The following FLT1 variants were observed in gnomAD, a reference collection of about 807,000 sequenced individuals.
FLT1 encodes fms related receptor tyrosine kinase 1.
Under a neutral mutation model 156.3 loss-of-function variants are expected in FLT1, and 49 were observed. That is an observed-to-expected ratio of 0.31 (90% CI 0.25 to 0.40). The LOEUF (loss-of-function observed/expected upper bound fraction) is 0.40. Among genes scored for constraint, FLT1 ranks in the 10% least tolerant of loss-of-function variants. The pLI is 1.00. For missense variants in FLT1, 1,322 were observed against 1,637.2 expected (o/e 0.81, Z 3.32); for synonymous variants, 594 against 583.8 (o/e 1.02, Z -0.25).
At chr13:28,316,905 G>A (rs1411926499) in intron 25 of FLT1, among the ~76,000 whole-genome samples, 1 of 152,142 alleles carries the variant, frequency 6.6e-6, no homozygotes, top group Non-Finnish European at 1.5e-5. Context: ...TTACACATGT[G>A]AGCCACTGCG....
chr13:28,390,983 A>C (rs2137461464), intron 12 of FLT1, among the ~76,000 whole-genome samples: 1 of 152,290 alleles, frequency 6.6e-6, no homozygotes, highest in South Asian at 2.1e-4. Context: ...AGCAAAGACC[A>C]CAGTGGGCCA....
At chr13:28,310,854 T>C (rs1870974472) in intron 27 of FLT1, among the ~76,000 whole-genome samples, 1 of 152,028 alleles carries the variant, frequency 6.6e-6, no homozygotes, top group Non-Finnish European at 1.5e-5. Flanking sequence ...CTTAAGAAAA[T>C]GTAATCTGTT....
intron 4 of FLT1, 93 bp from the exon 5 acceptor site, chr13:28,434,313 C>A: frequency 8.2e-7 from 1 of 1,217,314 alleles, no homozygotes. Flanking sequence ...GATTTTTCAT[C>A]TAAAATGAAA....
At chr13:28,438,425 T>A (rs2137561416) in intron 3 of FLT1, 80 bp from the exon 4 acceptor site, 2 of 1,062,708 alleles carry the variant, frequency 1.9e-6, no homozygotes, top group Non-Finnish European at 2.9e-6. Context: ...TAGTGTGGTA[T>A]GGTAGGCATT....
intron 1 of FLT1, among the ~76,000 whole-genome samples, chr13:28,491,283 A>T (rs756301578): frequency 3.9e-5 from 6 of 152,240 alleles, no homozygotes; most frequent in Non-Finnish European, 8.8e-5. Flanking sequence ...AAGTCACGTA[A>T]AGTAGACTCA....
At chr13:28,366,316 T>A (rs1873291420) in intron 14 of FLT1, among the ~76,000 whole-genome samples, 1 of 152,192 alleles carries the variant, frequency 6.6e-6, no homozygotes. Context: ...CTTTGCTGCC[T>A]GCTGCATCCC....
In FLT1 at chr13:28,327,601, C is replaced by A. The variant is rs372382759; in HGVS notation, c.2708-51G>T. On this transcript the variant is annotated intron_variant, in intron 19 of 29. Transcript: ENST00000282397. The stretch of plus-strand genomic sequence containing the variant: ...TGCTCAGCCACACCAAGCCAGTCAG[C>A]CATTTGCCAGCCTTCAGCCTGCCTG... The A allele has an allele frequency of 8.5e-5, 110 of 1,298,200 alleles. 1 individual carries two copies. The highest frequency in any genetic ancestry group is 1.2e-4 in the Non-Finnish European group (108 of 893,554). The allele number at this position is 1,298,200 out of a possible 1,614,324, so 80.4% of individuals were successfully genotyped here.
intron 13 of FLT1, chr13:28,386,125 T>C (rs1342047684): frequency 4.7e-6 from 5 of 1,052,992 alleles, no homozygotes; most frequent in Non-Finnish European, 5.7e-6. Context: ...TTTCCTCATC[T>C]TAGTGTACTA....
intron 3 of FLT1, among the ~76,000 whole-genome samples, chr13:28,451,690 C>A (rs1400737302): frequency 6.6e-6 from 1 of 152,158 alleles, no homozygotes; most frequent in Non-Finnish European, 1.5e-5. Context: ...AGGAGTCGGG[C>A]TGTGTCGAAG....
At chr13:28,395,188 T>G (rs577259167) in intron 12 of FLT1, among the ~76,000 whole-genome samples, 138 of 152,352 alleles carry the variant, frequency 9.1e-4, no homozygotes, top group African/African-American at 3.2e-3. Context: ...TAAAAGGTAT[T>G]TAATGGCTTG....
In FLT1 at chr13:28,431,227, G is replaced by A; in HGVS notation, c.897C>T (p.Asp299=). The change falls in exon 7 of 30, where the codon GAC becomes GAT. Residue 299 remains aspartate (D), a synonymous_variant. Transcript: ENST00000282397. ...GTCCTTTGTCTTTGTTCTGCATTTTGTCAATAGTAAGAACACTGTAGAATA... is the reference window on the plus strand; with the variant it reads ...GTCCTTTGTCTTTGTTCTGCATTTTATCAATAGTAAGAACACTGTAGAATA... ...ANIFYSVLTI[D]KMQNKDKGLY... The A allele has an allele frequency of 6.2e-7, 1 of 1,613,574 alleles. No homozygotes were observed. The highest frequency in any genetic ancestry group is 8.5e-7 in the Non-Finnish European group (1 of 1,179,496).
chr13:28,481,297 G>A (rs1300004852), intron 1 of FLT1, among the ~76,000 whole-genome samples: 3 of 152,144 alleles, frequency 2.0e-5, no homozygotes, highest in Admixed American at 6.5e-5. Context: ...AGTCGAGTCA[G>A]GAGAACATGG....
At chr13:28,492,454 C>CT (rs1397887598) in intron 1 of FLT1, among the ~76,000 whole-genome samples, 1 of 152,154 alleles carries the variant, frequency 6.6e-6, no homozygotes, top group Admixed American at 6.5e-5. Context: ...TTATTGGCAT[C>CT]TTTTTATTTC....
chr13:28,351,402 C>A (rs1332191479), intron 15 of FLT1, among the ~76,000 whole-genome samples: 1 of 152,184 alleles, frequency 6.6e-6, no homozygotes. Flanking sequence ...TACTCAGATG[C>A]ACTTTGACCT....
In FLT1 at chr13:28,494,956, C is replaced by A. The variant is rs1049014036; in HGVS notation, c.-113G>T. The A allele has an allele frequency of 5.3e-6, 4 of 760,104 alleles. No individual in the cohort carries two copies. Among genetic ancestry groups the A allele is most frequent in the South Asian group, 2.2e-5 (1 of 45,852 alleles). The allele number at this position is 760,104 out of a possible 1,614,324, so 47.1% of individuals were successfully genotyped here. On this transcript the variant is annotated 5_prime_UTR_variant, in exon 1 of 30. Transcript: ENST00000282397. ...CCGCCGGCCCCGCGCCCTGAGCGCC[C>A]GTCTCGCGGCTCCAGCCAGGAGACA...
intron 14 of FLT1, among the ~76,000 whole-genome samples, chr13:28,359,423 T>C (rs770134360): frequency 6.6e-6 from 1 of 152,092 alleles, no homozygotes; most frequent in African/African-American, 2.4e-5. Context: ...GACCAGAAAC[T>C]ATAAAACTAC....
intron 16 of FLT1, among the ~76,000 whole-genome samples, chr13:28,343,104 T>C (rs1291948477): frequency 6.6e-6 from 1 of 152,020 alleles, no homozygotes; most frequent in Non-Finnish European, 1.5e-5. Context: ...TCAGCCTCCC[T>C]AGTAGCTAGC....
intron 1 of FLT1, among the ~76,000 whole-genome samples, chr13:28,478,502 T>C (rs1880671999): frequency 6.6e-6 from 1 of 152,224 alleles, no homozygotes; most frequent in Non-Finnish European, 1.5e-5. Flanking sequence ...CTGGGAGATA[T>C]TTGATCAATT....
chr13:28,306,705 C>T lies in FLT1; in HGVS notation c.3788G>A (p.Ser1263Asn). The T allele has an allele frequency of 1.2e-6, 2 of 1,613,786 alleles. No homozygotes were observed. Among genetic ancestry groups the T allele is most frequent in the South Asian group, 1.1e-5 (1 of 91,072 alleles). The change falls in exon 29 of 30, where the codon AGC becomes AAC. Residue 1263 changes from serine (S) to asparagine (N), a missense_variant. Transcript: ENST00000282397. ...AATCTTGAGCGAGGCCTTGGGTTTG[C>T]TGTCAGTCCAGGTGAAGCGCTTCAG... ...PMLKRFTWTD[S>N]KPKASLKIDL...
Sources: allele counts gnomAD v4.1 joint callset (sites outside exome capture counted in the v4.1 genomes callset), GRCh38; gene constraint gnomAD v4.1.1; transcripts MANE v1.5; gene names NCBI Gene and HGNC (gene_info 2026-07-23, HGNC 2026-07-21).